The following SLC19A3 variants were observed in gnomAD, a reference collection of about 807,000 sequenced individuals.
SLC19A3 encodes solute carrier family 19 member 3.
In SLC19A3, 31 loss-of-function variants were observed where a neutral mutation model predicts 40.2. The ratio of observed to expected loss-of-function variants is 0.77; its 90% confidence interval spans 0.58 to 1.04. SLC19A3 has a LOEUF of 1.04. Among genes scored for constraint, SLC19A3 ranks in the 50% least tolerant of loss-of-function variants. The pLI is 0.00. For missense variants in SLC19A3, 592 were observed against 596.7 expected (o/e 0.99, Z 0.08); for synonymous variants, 212 against 227.5 (o/e 0.93, Z 0.61).
intron 4 of SLC19A3, among the ~76,000 whole-genome samples, chr2:227,695,231 T>G (rs1367250512): frequency 6.6e-6 from 1 of 152,202 alleles, no homozygotes; most frequent in African/African-American, 2.4e-5. Flanking sequence ...AAAGTAGGAA[T>G]GAAATCTAAA....
At chr2:227,715,450 T>G (rs1696300563) in intron 1 of SLC19A3, among the ~76,000 whole-genome samples, 1 of 152,096 alleles carries the variant, frequency 6.6e-6, no homozygotes, top group African/African-American at 2.4e-5. Context: ...ACTCTTGAAC[T>G]CCTGGCCTCA....
intron 1 of SLC19A3, among the ~76,000 whole-genome samples, chr2:227,705,308 T>C (rs897367809): frequency 6.6e-6 from 1 of 151,856 alleles, no homozygotes; most frequent in Non-Finnish European, 1.5e-5. Flanking sequence ...AAGTTAGAAG[T>C]TGTAGAGGAA....
intron 1 of SLC19A3, among the ~76,000 whole-genome samples, chr2:227,713,570 C>T (rs1696221139): frequency 6.6e-6 from 1 of 151,908 alleles, no homozygotes; most frequent in Admixed American, 6.6e-5. Context: ...TAAGAGAAAG[C>T]CCTGAGCTTG....
In SLC19A3 at chr2:227,701,183, A is replaced by C. The variant is rs568077909; in HGVS notation, c.150+986T>G. On this transcript the variant is annotated intron_variant, in intron 2 of 5. Coordinates refer to ENST00000644224, the MANE Select transcript of SLC19A3 (RefSeq NM_025243.4). Reference sequence around the variant, plus strand: ...AGAAGCTTGCCTTTCTGTCTTTGCCACCTCACCACCCGAGGCACCCATCAG... The same window carrying C: ...AGAAGCTTGCCTTTCTGTCTTTGCCCCCTCACCACCCGAGGCACCCATCAG... 41 of 1,024,330 alleles carry C rather than the reference A, an allele frequency of 4.0e-5. No homozygotes were observed. The African/African-American group carries it at 5.6e-4, about 14-fold the overall frequency. 63.5% of individuals were successfully genotyped at this position (1,024,330 alleles called of 1,614,324 possible). A position where few individuals can be genotyped will look rare whatever the true frequency, so the allele number is the denominator to read the frequency against.
At chr2:227,712,512 A>G (rs1212220599) in intron 1 of SLC19A3, among the ~76,000 whole-genome samples, 1 of 152,232 alleles carries the variant, frequency 6.6e-6, no homozygotes, top group Non-Finnish European at 1.5e-5. Context: ...TAGAATGGCT[A>G]CAGAGGCCAG....
intron 1 of SLC19A3, chr2:227,706,343 C>T: frequency 1.6e-6 from 2 of 1,231,632 alleles, no homozygotes; most frequent in Non-Finnish European, 2.0e-6. Context: ...TACCTTTCCC[C>T]TTCATTTTCT....
At chr2:227,713,358 C>T (rs574086725) in intron 1 of SLC19A3, among the ~76,000 whole-genome samples, 6 of 141,700 alleles carry the variant, frequency 4.2e-5, no homozygotes, top group Non-Finnish European at 7.5e-5. Context: ...GCCATGATTG[C>T]ACCATTGCAT....
chr2:227,710,739 G>T (rs1162064182), intron 1 of SLC19A3, among the ~76,000 whole-genome samples: 1 of 152,022 alleles, frequency 6.6e-6, no homozygotes, highest in East Asian at 1.9e-4. Flanking sequence ...TGAATAAAAA[G>T]ACACCTGTTA....
In SLC19A3 at chr2:227,687,073, G is replaced by A. The variant is rs1695041959; in HGVS notation, c.*324C>T. ...GTGAATATCAACTCCAGGATGGCTG[G>A]AGTTTTCTCATGGTTTGGTTCCACG... On this transcript the variant is annotated 3_prime_UTR_variant, in exon 6 of 6. Coordinates refer to ENST00000644224, the MANE Select transcript of SLC19A3 (RefSeq NM_025243.4). 1 of 218,560 alleles carries A rather than the reference G, an allele frequency of 4.6e-6. No individual in the cohort carries two copies. Among genetic ancestry groups the A allele is most frequent in the South Asian group, 1.0e-4 (1 of 9,968 alleles). The allele number at this position is 218,560 out of a possible 1,614,324, so 13.5% of individuals were successfully genotyped here.
At position 227,697,814 on chromosome 2, in the gene SLC19A3, A is replaced by T. The variant is rs140363610; in HGVS notation, c.979+922T>A. Among the ~76,000 whole-genome samples the T allele has an allele frequency of 9.9e-5, 15 of 152,180 alleles. No homozygotes were observed. In the East Asian group the frequency reaches 2.7e-3, roughly 28 times the overall value. ...TTCTTGTGGCTGGGCGTGGTGGCTC[A>T]CGCCTGTAATCCCAGCACTTTTGGA... On this transcript the variant is annotated intron_variant, in intron 3 of 5. Coordinates refer to ENST00000644224, the MANE Select transcript of SLC19A3 (RefSeq NM_025243.4).
intron 3 of SLC19A3, among the ~76,000 whole-genome samples, chr2:227,696,535 G>A (rs1695443181): frequency 6.6e-6 from 1 of 152,138 alleles, no homozygotes; most frequent in Non-Finnish European, 1.5e-5. Context: ...TATCAGATGT[G>A]TTACATTGAA....
At chr2:227,698,666 G>T in intron 3 of SLC19A3, 70 bp downstream of exon 3, 2 of 1,362,388 alleles carry the variant, frequency 1.5e-6, no homozygotes, top group Non-Finnish European at 2.1e-6. Flanking sequence ...CTGCCATGAA[G>T]TTCGGTACCT....
Position 227,699,231 on chromosome 2 carries a change from C to G in SLC19A3, c.484G>C (p.Val162Leu). The G allele has an allele frequency of 6.2e-7, 1 of 1,614,114 alleles. No homozygotes were observed. The highest frequency in any genetic ancestry group is 8.5e-7 in the Non-Finnish European group (1 of 1,179,996). ...TAGSVLAQLL[V>L]SLANMSYFYL... ...AAGTACGACATGTTCGCCAGGGATA[C>G]CAAGAGTTGAGCCAGCACCGACCCT... The change falls in exon 3 of 6, where the codon GTA becomes CTA. Residue 162 changes from valine (V) to leucine (L), a missense_variant. Val to Leu is a conservative substitution (Grantham distance 32, BLOSUM62 1). Coordinates refer to ENST00000644224, the MANE Select transcript of SLC19A3 (RefSeq NM_025243.4).
At chr2:227,700,734 TCC>T (rs1328892290) in intron 2 of SLC19A3, among the ~76,000 whole-genome samples, 1 of 152,150 alleles carries the variant, frequency 6.6e-6, no homozygotes, top group Non-Finnish European at 1.5e-5. Flanking sequence ...TTCCCAACCT[TCC>T]CCCTGCTCCC....
chr2:227,687,600 A>G (rs780420085), intron 5 of SLC19A3, 27 bp from the exon 6 acceptor site: 7 of 1,606,878 alleles, frequency 4.4e-6, no homozygotes, highest in Non-Finnish European at 6.0e-6. Context: ...AATTAGCCAC[A>G]TATAAAATAT....
At chr2:227,688,600 A>T (rs1305076627) in intron 4 of SLC19A3, among the ~76,000 whole-genome samples, 1 of 152,200 alleles carries the variant, frequency 6.6e-6, no homozygotes, top group African/African-American at 2.4e-5. Flanking sequence ...ATGTAGATAC[A>T]GTTTAGATCA....
chr2:227,698,002 C>T (rs1172739737), intron 3 of SLC19A3, among the ~76,000 whole-genome samples: 1 of 151,890 alleles, frequency 6.6e-6, no homozygotes, highest in Non-Finnish European at 1.5e-5. Flanking sequence ...TAGCTTGAAC[C>T]TGGGAGGCAG....
At chr2:227,693,119 T>C (rs940642905) in intron 4 of SLC19A3, among the ~76,000 whole-genome samples, 1 of 152,194 alleles carries the variant, frequency 6.6e-6, no homozygotes, top group Non-Finnish European at 1.5e-5. Context: ...ATGCCCATAC[T>C]ATCCAAAGCA....
chr2:227,684,446 A>G lies in SLC19A3; in HGVS notation c.*2951T>C, dbSNP rs1694946914. 6.6e-6 allele frequency: 1 copy of G among 151,896 alleles called. No homozygotes were observed. The allele number at this position is 151,896 out of a possible 1,614,324, so 9.4% of individuals were successfully genotyped here. ...ATGCTTCAGCCACCGAGTGGCTGGG[A>G]TTACAGGCATGGACCACACCCGGCT... is the stretch of plus-strand genomic sequence containing the variant. On this transcript the variant is annotated 3_prime_UTR_variant, in exon 6 of 6. Transcript: ENST00000644224.
Sources: gnomAD v4.1 joint callset for allele counts (sites outside exome capture counted in the v4.1 genomes callset) on GRCh38, gnomAD v4.1.1 for gene constraint, MANE v1.5 for transcripts, NCBI Gene and HGNC (gene_info 2026-07-23, HGNC 2026-07-21) for gene names.